IQCB1: variants seen among roughly 807,000 people sequenced by gnomAD.
The protein encoded by IQCB1 is IQ motif containing B1, also known as IQ calmodulin-binding motif-containing protein 1.
A neutral mutation model predicts 84.4 loss-of-function variants in IQCB1; 56 were observed. The observed-to-expected ratio is 0.66, with a 90% CI of 0.54 to 0.83. The LOEUF (loss-of-function observed/expected upper bound fraction) is 0.83, where lower values mean the gene tolerates loss of function less well. Ranked by LOEUF, IQCB1 falls within the 40% of genes least tolerant of loss-of-function variation. The pLI is 0.00. For missense variants in IQCB1, 629 were observed against 682.1 expected, an observed-to-expected ratio of 0.92 and a Z score of 0.87; for synonymous variants, 210 against 234.8, an observed-to-expected ratio of 0.89 and a Z score of 0.96.
chr3:121,819,861 T>C, intron 5 of IQCB1, among the ~76,000 whole-genome samples: 1 of 152,252 alleles, frequency 6.6e-6, no homozygotes, highest in Non-Finnish European at 1.5e-5. Context: ...CAATATATTT[T>C]ATATTAGCAT....
rs1457539091 is a variant in IQCB1, at chr3:121,770,530, A to G, written c.1612T>C (p.Phe538Leu). 1 of 1,614,132 alleles carries G rather than the reference A, an allele frequency of 6.2e-7. No homozygotes were observed. Among genetic ancestry groups the G allele is most frequent in the Non-Finnish European group, 8.5e-7 (1 of 1,180,000 alleles). The change falls in exon 15 of 15, where the codon TTC becomes CTC. Residue 538 changes from phenylalanine (F) to leucine (L), a missense_variant. Phe to Leu is a conservative substitution (Grantham distance 22). Coordinates refer to ENST00000310864, the MANE Select transcript of IQCB1 (RefSeq NM_001023570.4). ...GCCACAGGCCTGGATCTACTTAGGAAGAGCTCAGGTTCTTTCCCTTCTGCC... is the reference window on the plus strand; with the variant it reads ...GCCACAGGCCTGGATCTACTTAGGAGGAGCTCAGGTTCTTTCCCTTCTGCC... ...KEAEGKEPEL[F>L]LSRSRPVAAK...
rs1268423125 is a variant in IQCB1 at position 121,830,400 on chromosome 3, T to TA, written c.-12-1429dup. On this transcript the variant is annotated intron_variant, in intron 2 of 14. Coordinates refer to ENST00000310864, the MANE Select transcript of IQCB1 (RefSeq NM_001023570.4). ...GGTCAACAAAGCAAGACCCTGTCTCTAAAAAAAAAAAGTTTTAAAGCATTT... is the reference window on the plus strand; with the variant it reads ...GGTCAACAAAGCAAGACCCTGTCTCTAAAAAAAAAAAAGTTTTAAAGCATTT... 4.4e-3 allele frequency among the ~76,000 whole-genome samples: 636 copies of TA among 143,896 alleles called. 4 individuals carry two copies. Among genetic ancestry groups the TA allele is most frequent in the Non-Finnish European group, 7.0e-3 (457 of 65,238 alleles). The allele number at this position is 143,896 out of a possible 152,430, so 94.4% of individuals were successfully genotyped here. A position where few individuals can be genotyped will look rare whatever the true frequency, so the allele number is the denominator to read the frequency against.
intron 7 of IQCB1, among the ~76,000 whole-genome samples, chr3:121,803,463 T>A (rs191427090): frequency 1.4e-3 from 208 of 152,326 alleles, no homozygotes; most frequent in Middle Eastern, 3.4e-3. Flanking sequence ...GGTAGAATAT[T>A]TGTAAAATGT....
intron 13 of IQCB1, among the ~76,000 whole-genome samples, chr3:121,773,200 G>C (rs1948077481): frequency 6.6e-6 from 1 of 151,596 alleles, no homozygotes; most frequent in East Asian, 1.9e-4. Flanking sequence ...TGTAATCCCA[G>C]CTACTCGGGA....
intron 5 of IQCB1, among the ~76,000 whole-genome samples, chr3:121,814,082 C>T (rs183674123): frequency 7.0e-4 from 106 of 152,266 alleles, no homozygotes; most frequent in Admixed American, 3.6e-3. Context: ...TCTCAGTCCA[C>T]GGTGCAATCA....
At chr3:121,832,469 G>A (rs1452313307) in intron 2 of IQCB1, among the ~76,000 whole-genome samples, 5 of 151,986 alleles carry the variant, frequency 3.3e-5, no homozygotes, top group Admixed American at 1.3e-4. Context: ...TGGGATTACA[G>A]GCGTGTGCCA....
chr3:121,783,523 T>C (rs965341628), intron 12 of IQCB1, among the ~76,000 whole-genome samples: 8 of 152,224 alleles, frequency 5.3e-5, no homozygotes, highest in African/African-American at 1.7e-4. Context: ...ACATTTTTAT[T>C]TTCTCTGGAA....
chr3:121,801,163 C>T (rs559652429), intron 7 of IQCB1, among the ~76,000 whole-genome samples: 1 of 152,080 alleles, frequency 6.6e-6, no homozygotes, highest in South Asian at 2.1e-4. Flanking sequence ...ATTGTATTCA[C>T]ACTTCCTACT....
chr3:121,826,944 T>G (rs1208778820), intron 4 of IQCB1, among the ~76,000 whole-genome samples: 1 of 152,100 alleles, frequency 6.6e-6, no homozygotes, highest in Non-Finnish European at 1.5e-5. Context: ...TTCAACAAAA[T>G]GTATGGACAC....
chr3:121,820,819 C>T (rs1022555567), intron 5 of IQCB1, among the ~76,000 whole-genome samples: 2 of 151,330 alleles, frequency 1.3e-5, no homozygotes, highest in East Asian at 3.9e-4. Context: ...TTTCCAAAGT[C>T]ATAGTGAGTC....
rs5852278 is a variant in IQCB1, at chr3:121,807,305, TA to T, written c.587+38del. 0.22 allele frequency: 214,808 copies of T among 965,514 alleles called. 29,036 individuals are homozygous for T. Among genetic ancestry groups the T allele is most frequent in the Non-Finnish European group, 0.25 (149,180 of 595,842 alleles). 59.8% of individuals were successfully genotyped at this position (965,514 alleles called of 1,614,324 possible). A position where few individuals can be genotyped will look rare whatever the true frequency, so the allele number is the denominator to read the frequency against. ...GGAATAAAATTGGTAATGCTTCTGA[TA>T]AAAAAAAAGCAGTAACATTTTGTAA... On this transcript the variant is annotated intron_variant, in intron 7 of 14. Transcript: ENST00000310864.
intron 13 of IQCB1, among the ~76,000 whole-genome samples, chr3:121,774,740 T>C (rs1948151911): frequency 6.6e-6 from 1 of 152,056 alleles, no homozygotes; most frequent in South Asian, 2.1e-4. Context: ...AGCTGGGTAG[T>C]GAGGGAATGG....
intron 2 of IQCB1, among the ~76,000 whole-genome samples, chr3:121,833,201 C>T (rs1341283089): frequency 1.3e-5 from 2 of 152,128 alleles, no homozygotes; most frequent in African/African-American, 4.8e-5. Flanking sequence ...TTATTAAAGC[C>T]CAGTTCTACC....
At chr3:121,833,643 CAG>C (rs899313565) in intron 2 of IQCB1, among the ~76,000 whole-genome samples, 2 of 151,992 alleles carry the variant, frequency 1.3e-5, no homozygotes, top group South Asian at 2.1e-4. Context: ...TACACACACA[CAG>C]ATACAAAAAA....
At chr3:121,789,713 G>C (rs1212154594) in intron 11 of IQCB1, among the ~76,000 whole-genome samples, 1 of 152,150 alleles carries the variant, frequency 6.6e-6, no homozygotes, top group Non-Finnish European at 1.5e-5. Context: ...TTTGTACTAA[G>C]GAATGAGTTA....
At chr3:121,817,766 G>A (rs1160494228) in intron 5 of IQCB1, among the ~76,000 whole-genome samples, 1 of 152,088 alleles carries the variant, frequency 6.6e-6, no homozygotes, top group Non-Finnish European at 1.5e-5. Flanking sequence ...TAATGTGATG[G>A]TGGAGACTTT....
chr3:121,821,464 C>T (rs1343341062), intron 5 of IQCB1, among the ~76,000 whole-genome samples: 2 of 152,166 alleles, frequency 1.3e-5, no homozygotes, highest in Non-Finnish European at 2.9e-5. Context: ...TTTTTGGAAT[C>T]ACTCTTGTTC....
intron 12 of IQCB1, among the ~76,000 whole-genome samples, chr3:121,782,966 C>T (rs913728526): frequency 1.3e-5 from 2 of 152,154 alleles, no homozygotes; most frequent in Non-Finnish European, 2.9e-5. Context: ...TGAGCCATCG[C>T]GTCCCACCTC....
At chr3:121,820,256 T>G (rs9812137) in intron 5 of IQCB1, among the ~76,000 whole-genome samples, 37,460 of 152,004 alleles carry the variant, frequency 0.25, 4,960 homozygotes, top group Non-Finnish European at 0.28. Context: ...AAATGGCAGG[T>G]AGAGCACCTA....
Sources: allele counts gnomAD v4.1 joint callset (sites outside exome capture counted in the v4.1 genomes callset), GRCh38; gene constraint gnomAD v4.1.1; transcripts MANE v1.5; gene names NCBI Gene and HGNC (gene_info 2026-07-23, HGNC 2026-07-21).